The following CSMD3 variants were observed in gnomAD, a reference collection of about 807,000 sequenced individuals.
The protein encoded by CSMD3 is CUB and sushi domain-containing protein 3.
In CSMD3, 177 loss-of-function variants were observed where a neutral mutation model predicts 435.2. The observed-to-expected ratio is 0.41, with a 90% CI of 0.36 to 0.46. The LOEUF (loss-of-function observed/expected upper bound fraction) is 0.46. CSMD3 is among the 20% of genes least tolerant of loss of function. The probability of loss-of-function intolerance (pLI) is 0.34; values close to 1 mark genes in which losing one functional copy is unlikely to be tolerated. For synonymous variants in CSMD3, 1,656 were observed against 1,520.5 expected (o/e 1.09, Z -2.07); for missense variants, 4,265 against 4,504.6 (o/e 0.95, Z 1.52).
intron 9 of CSMD3, among the ~76,000 whole-genome samples, chr8:112,942,742 GA>G (rs1399933221): frequency 6.6e-6 from 1 of 151,654 alleles, no homozygotes; most frequent in African/African-American, 2.4e-5. Flanking sequence ...GTGAGGATCA[GA>G]AAACTACTTA....
intron 54 of CSMD3, among the ~76,000 whole-genome samples, chr8:112,293,974 A>C (rs1820020471): frequency 6.6e-6 from 1 of 152,154 alleles, no homozygotes; most frequent in South Asian, 2.1e-4. Flanking sequence ...ATTATTCAAC[A>C]AGAAAAACAG....
intron 1 of CSMD3, among the ~76,000 whole-genome samples, chr8:113,322,313 C>T (rs1350320225): frequency 5.3e-5 from 8 of 152,136 alleles, no homozygotes; most frequent in Non-Finnish European, 1.2e-4. Flanking sequence ...TTACTTATCA[C>T]ATGCACATTA....
intron 3 of CSMD3, among the ~76,000 whole-genome samples, chr8:113,221,704 C>T (rs1278741227): frequency 1.3e-5 from 2 of 151,206 alleles, no homozygotes; most frequent in East Asian, 1.9e-4. Flanking sequence ...CTCTTCCTTA[C>T]ATATTTTGCC....
chr8:112,697,307 G>C (rs527344891), intron 13 of CSMD3, among the ~76,000 whole-genome samples: 1 of 151,716 alleles, frequency 6.6e-6, no homozygotes. Context: ...ATTCACAATA[G>C]CAAAGACTTG....
chr8:113,357,638 G>A (rs202135363), intron 1 of CSMD3, among the ~76,000 whole-genome samples: 2 of 152,110 alleles, frequency 1.3e-5, no homozygotes, highest in Admixed American at 1.3e-4. Flanking sequence ...GGTTTGGCTT[G>A]TGCCCCCACC....
chr8:112,927,929 A>C (rs1006276157), intron 9 of CSMD3, among the ~76,000 whole-genome samples: 2 of 151,868 alleles, frequency 1.3e-5, no homozygotes, highest in Admixed American at 1.3e-4. Context: ...GTCACTCACT[A>C]CCTCATTCAA....
At chr8:112,698,814 C>A (rs914856082) in intron 13 of CSMD3, among the ~76,000 whole-genome samples, 2 of 152,112 alleles carry the variant, frequency 1.3e-5, no homozygotes, top group Non-Finnish European at 2.9e-5. Flanking sequence ...GCTTCTGGGT[C>A]AGGTGGGGAC....
rs199825870 is a variant in CSMD3, at chr8:112,295,833, G to T, written c.8614C>A (p.Pro2872Thr). The change falls in exon 54 of 71, where the codon CCT becomes ACT. Residue 2872 changes from proline (P) to threonine (T), a missense_variant and splice_region_variant. Coordinates refer to ENST00000297405, the MANE Select transcript of CSMD3 (RefSeq NM_198123.2). ...NWSGQLPSCV[P>T]VSCGHPGSPI... is the part of the protein sequence containing the mutation. ...AATTGCTTTTGCCATGCTTACTTAC[G>T]CACACAGGATGGGAGCTGACCAGAC... The T allele has an allele frequency of 6.2e-7, 1 of 1,613,396 alleles. No individual in the cohort carries two copies. Among genetic ancestry groups the T allele is most frequent in the Non-Finnish European group, 8.5e-7 (1 of 1,179,672 alleles).
chr8:112,993,246 T>C (rs1014588474), intron 6 of CSMD3, among the ~76,000 whole-genome samples: 1 of 151,856 alleles, frequency 6.6e-6, no homozygotes, highest in African/African-American at 2.4e-5. Context: ...ACAGATGCTG[T>C]GAGCAGCAGG....
At chr8:113,048,445 G>C (rs1478054842) in intron 5 of CSMD3, among the ~76,000 whole-genome samples, 1 of 152,204 alleles carries the variant, frequency 6.6e-6, no homozygotes, top group East Asian at 1.9e-4. Context: ...AATACAAACA[G>C]CTTTTCTATG....
At chr8:112,623,090 T>C (rs541907222) in intron 22 of CSMD3, among the ~76,000 whole-genome samples, 43 of 152,188 alleles carry the variant, frequency 2.8e-4, no homozygotes, top group African/African-American at 9.9e-4. Context: ...GAAAAATGCA[T>C]GAAATAAGAC....
rs567831498 is a variant in CSMD3, at chr8:112,682,221, AGCT to A, written c.2677+218_2677+220del. ...TCATTAATCTTTATCTTTTAATAAG[AGCT>A]TTTTTTAAAAGGAAGCTTCTAAAAG... On this transcript the variant is annotated intron_variant, in intron 16 of 70. Transcript: ENST00000297405. Among the ~76,000 whole-genome samples the A allele has an allele frequency of 6.8e-4, 103 of 152,280 alleles. 1 individual carries two copies. Among genetic ancestry groups the A allele is most frequent in the Middle Eastern group, 6.8e-3 (2 of 292 alleles).
intron 10 of CSMD3, among the ~76,000 whole-genome samples, chr8:112,917,040 A>G (rs2082593464): frequency 6.6e-6 from 1 of 151,792 alleles, no homozygotes; most frequent in Non-Finnish European, 1.5e-5. Context: ...CTGTACACCC[A>G]TTTTTCCATT....
At chr8:112,618,403 C>T (rs987393762) in intron 22 of CSMD3, among the ~76,000 whole-genome samples, 1 of 151,960 alleles carries the variant, frequency 6.6e-6, no homozygotes, top group Non-Finnish European at 1.5e-5. Flanking sequence ...TGTTCCTTTG[C>T]AAGAAAAGAA....
intron 3 of CSMD3, among the ~76,000 whole-genome samples, chr8:113,275,898 T>C (rs1298435231): frequency 6.6e-6 from 1 of 151,960 alleles, no homozygotes; most frequent in Non-Finnish European, 1.5e-5. Context: ...ATGTCCAGGT[T>C]AGTAGATCTA....
At chr8:112,715,895 T>G (rs1372768963) in intron 13 of CSMD3, among the ~76,000 whole-genome samples, 1 of 151,938 alleles carries the variant, frequency 6.6e-6, no homozygotes, top group Non-Finnish European at 1.5e-5. Context: ...TAAACGTTTT[T>G]GATAAACTAG....
At chr8:112,601,072 T>G (rs2131417010) in intron 22 of CSMD3, among the ~76,000 whole-genome samples, 1 of 152,230 alleles carries the variant, frequency 6.6e-6, no homozygotes, top group Non-Finnish European at 1.5e-5. Flanking sequence ...AGATTCATTA[T>G]TCTTGGAAGT....
chr8:113,071,881 A>C (rs541250325), intron 5 of CSMD3, among the ~76,000 whole-genome samples: 25 of 151,902 alleles, frequency 1.6e-4, no homozygotes, highest in East Asian at 1.5e-3. Flanking sequence ...GTTTGAATTG[A>C]ATCTTTAGAT....
intron 1 of CSMD3, among the ~76,000 whole-genome samples, chr8:113,406,097 CAG>C (rs1287600407): frequency 1.3e-5 from 2 of 151,856 alleles, no homozygotes; most frequent in East Asian, 3.9e-4. Context: ...AGGAAGAAAA[CAG>C]ATTTCAGAAA....
Sources: gnomAD v4.1 joint callset for allele counts (sites outside exome capture counted in the v4.1 genomes callset) on GRCh38, gnomAD v4.1.1 for gene constraint, MANE v1.5 for transcripts, NCBI Gene and HGNC (gene_info 2026-07-23, HGNC 2026-07-21) for gene names.